The following CNTNAP2 variants were observed in gnomAD, a reference collection of about 807,000 sequenced individuals.
The protein encoded by CNTNAP2 is contactin associated protein 2.
A neutral mutation model predicts 155.2 loss-of-function variants in CNTNAP2; 98 were observed. That is an observed-to-expected ratio of 0.63 (90% CI 0.54 to 0.75). The LOEUF (loss-of-function observed/expected upper bound fraction) is 0.75, where lower values mean the gene tolerates loss of function less well. Ranked by LOEUF, CNTNAP2 falls within the 30% of genes least tolerant of loss-of-function variation. The pLI is 0.00. For missense variants in CNTNAP2, 1,727 were observed against 1,688.1 expected (o/e 1.02, Z -0.40); for synonymous variants, 651 against 631.2 (o/e 1.03, Z -0.47).
At chr7:146,242,481 G>A (rs1414994757) in intron 1 of CNTNAP2, among the ~76,000 whole-genome samples, 2 of 151,698 alleles carry the variant, frequency 1.3e-5, no homozygotes, top group African/African-American at 2.4e-5. Flanking sequence ...AGAGGTTGCA[G>A]TGAGCCGAGA....
At chr7:147,828,967 C>T (rs767791160) in intron 13 of CNTNAP2, among the ~76,000 whole-genome samples, 9 of 152,250 alleles carry the variant, frequency 5.9e-5, no homozygotes, top group Middle Eastern at 6.8e-3. Flanking sequence ...CTGCTAGGCA[C>T]GAGTTTTCCT....
chr7:146,283,124 A>G (rs1800275883), intron 1 of CNTNAP2, among the ~76,000 whole-genome samples: 1 of 152,212 alleles, frequency 6.6e-6, no homozygotes, highest in South Asian at 2.1e-4. Context: ...TCTTCAATAC[A>G]AGCTAAGACA....
At chr7:146,898,150 T>C (rs1795915865) in intron 3 of CNTNAP2, among the ~76,000 whole-genome samples, 1 of 152,072 alleles carries the variant, frequency 6.6e-6, no homozygotes, top group South Asian at 2.1e-4. Flanking sequence ...CTACAAACAG[T>C]ATATAACTTA....
intron 13 of CNTNAP2, among the ~76,000 whole-genome samples, chr7:147,799,918 T>A (rs567774944): frequency 1.3e-5 from 2 of 152,312 alleles, no homozygotes; most frequent in African/African-American, 4.8e-5. Flanking sequence ...TGCCGTTAAA[T>A]CTTTCAGTGG....
chr7:148,252,115 T>C (rs1476240300), intron 20 of CNTNAP2, among the ~76,000 whole-genome samples: 1 of 152,230 alleles, frequency 6.6e-6, no homozygotes, highest in Non-Finnish European at 1.5e-5. Flanking sequence ...AGACTTCCAA[T>C]TTGGGAATTG....
At chr7:146,496,967 T>C (rs1797224947) in intron 1 of CNTNAP2, among the ~76,000 whole-genome samples, 1 of 152,310 alleles carries the variant, frequency 6.6e-6, no homozygotes, top group East Asian at 1.9e-4. Flanking sequence ...AAACTTCCCA[T>C]TGGAATTGTG....
chr7:146,696,758 ACTT>A (rs1307170132), intron 1 of CNTNAP2, among the ~76,000 whole-genome samples: 4 of 152,226 alleles, frequency 2.6e-5, no homozygotes, highest in Admixed American at 2.0e-4. Flanking sequence ...TTTTCTTCAG[ACTT>A]CTTCTTTGAC....
intron 8 of CNTNAP2, among the ~76,000 whole-genome samples, chr7:147,133,930 C>T (rs749004943): frequency 3.4e-4 from 52 of 151,944 alleles, no homozygotes; most frequent in Non-Finnish European, 2.8e-4. Context: ...TCACTACATT[C>T]GTTTATAAGT....
intron 12 of CNTNAP2, among the ~76,000 whole-genome samples, chr7:147,635,531 A>G (rs1795165379): frequency 6.6e-6 from 1 of 152,178 alleles, no homozygotes; most frequent in African/African-American, 2.4e-5. Context: ...TGTTGAATGC[A>G]TGGGTGTGTT....
intron 9 of CNTNAP2, among the ~76,000 whole-genome samples, chr7:147,351,792 C>G (rs146455485): frequency 6.6e-6 from 1 of 151,930 alleles, no homozygotes; most frequent in African/African-American, 2.4e-5. Flanking sequence ...AAAGCTAAAT[C>G]TTCAATGGTA....
chr7:148,337,015 AAC>A lies in CNTNAP2; in HGVS notation c.3476-46632_3476-46631del, dbSNP rs1406272534. ...GGTAGCTGTAATTGTGAAATTAGGCAACATATATAGGAAGGTGCCTAATGGAG... is the reference window on the plus strand; with the variant it reads ...GGTAGCTGTAATTGTGAAATTAGGCAATATATAGGAAGGTGCCTAATGGAG... On this transcript the variant is annotated intron_variant, in intron 21 of 23. Coordinates refer to ENST00000361727, the MANE Select transcript of CNTNAP2 (RefSeq NM_014141.6). 1.3e-4 allele frequency among the ~76,000 whole-genome samples: 14 copies of A among 110,834 alleles called. No homozygotes were observed. The East Asian group carries it at 4.1e-3, about 33-fold the overall frequency. 72.7% of individuals were successfully genotyped at this position (110,834 alleles called of 152,430 possible). A position where few individuals can be genotyped will look rare whatever the true frequency, so the allele number is the denominator to read the frequency against.
At chr7:147,051,515 C>T (rs1799473292) in intron 4 of CNTNAP2, among the ~76,000 whole-genome samples, 1 of 151,918 alleles carries the variant, frequency 6.6e-6, no homozygotes, top group Admixed American at 6.6e-5. Flanking sequence ...AAGCAAGCCT[C>T]GCCTATGTTG....
At chr7:147,962,220 TAAC>T (rs552839777) in intron 14 of CNTNAP2, among the ~76,000 whole-genome samples, 42 of 152,354 alleles carry the variant, frequency 2.8e-4, no homozygotes, top group African/African-American at 9.1e-4. Flanking sequence ...ATGAAAATGA[TAAC>T]AAGTTTATGA....
At chr7:146,153,884 G>C (rs908935896) in intron 1 of CNTNAP2, among the ~76,000 whole-genome samples, 10 of 152,100 alleles carry the variant, frequency 6.6e-5, no homozygotes, top group African/African-American at 2.4e-4. Context: ...TAAAGGAAAA[G>C]TAGCAGATTA....
At chr7:146,810,549 T>C (rs1285292354) in intron 2 of CNTNAP2, among the ~76,000 whole-genome samples, 2 of 152,074 alleles carry the variant, frequency 1.3e-5, no homozygotes, top group Non-Finnish European at 2.9e-5. Flanking sequence ...GTAAAGTCTT[T>C]AGGGTTTTCT....
chr7:146,941,641 T>C (rs926893030), intron 3 of CNTNAP2, among the ~76,000 whole-genome samples: 1 of 152,190 alleles, frequency 6.6e-6, no homozygotes, highest in South Asian at 2.1e-4. Flanking sequence ...TTTCAACTCA[T>C]AGAACCCTCT....
At chr7:147,482,768 G>A (rs1047025121) in intron 10 of CNTNAP2, among the ~76,000 whole-genome samples, 5 of 149,406 alleles carry the variant, frequency 3.3e-5, no homozygotes, top group East Asian at 2.0e-4. Flanking sequence ...ATAATCGGCC[G>A]GGGGCTGTGG....
At position 147,410,521 on chromosome 7, in the gene CNTNAP2, A is replaced by G. The variant is rs1442548767; in HGVS notation, c.1670+14741A>G. ...GTTTACCTGTGTAACAAACCTGCACATGAGCACCTGAACTTAAAGTTAAAA... is the reference window on the plus strand; with the variant it reads ...GTTTACCTGTGTAACAAACCTGCACGTGAGCACCTGAACTTAAAGTTAAAA... On this transcript the variant is annotated intron_variant, in intron 10 of 23. Transcript: ENST00000361727. 2.0e-5 allele frequency among the ~76,000 whole-genome samples: 3 copies of G among 152,202 alleles called. No homozygotes were observed. The East Asian group carries it at 5.8e-4, about 29-fold the overall frequency.
intron 9 of CNTNAP2, among the ~76,000 whole-genome samples, chr7:147,306,490 A>G (rs1382355400): frequency 1.3e-5 from 2 of 152,234 alleles, no homozygotes; most frequent in African/African-American, 2.4e-5. Context: ...AAAATTCTCC[A>G]AGGGAATTTC....
Sources: gnomAD v4.1 joint callset for allele counts (sites outside exome capture counted in the v4.1 genomes callset) on GRCh38, gnomAD v4.1.1 for gene constraint, MANE v1.5 for transcripts, NCBI Gene and HGNC (gene_info 2026-07-23, HGNC 2026-07-21) for gene names.